The following IQCE variants were observed in gnomAD, a reference collection of about 807,000 sequenced individuals.
The protein encoded by IQCE is IQ motif containing E, also known as IQ domain-containing protein E.
Under a neutral mutation model 96.0 loss-of-function variants are expected in IQCE, and 115 were observed. The ratio of observed to expected loss-of-function variants is 1.20; its 90% confidence interval spans 1.03 to 1.40. IQCE has a LOEUF of 1.40. Among genes scored for constraint, IQCE ranks in the 40% most tolerant of loss-of-function variants. IQCE has a pLI of 0.00. For missense variants in IQCE, 1,041 were observed against 909.1 expected (o/e 1.15, Z -1.87); for synonymous variants, 412 against 371.2 (o/e 1.11, Z -1.26).
chr7:2,595,141 G>A (rs1783924012), intron 16 of IQCE, among the ~76,000 whole-genome samples, 165 bp downstream of exon 16: 1 of 152,206 alleles, frequency 6.6e-6, no homozygotes, highest in Non-Finnish European at 1.5e-5. Flanking sequence ...GTGTATCGAA[G>A]TCCGGGTTTT....
At chr7:2,565,984 A>T (rs1463979924) in intron 1 of IQCE, among the ~76,000 whole-genome samples, 1 of 152,198 alleles carries the variant, frequency 6.6e-6, no homozygotes, top group African/African-American at 2.4e-5. Context: ...CTGCTAGCAA[A>T]ATTGGCACTT....
At chr7:2,567,491 C>G (rs548499581) in intron 2 of IQCE, among the ~76,000 whole-genome samples, 3 of 152,308 alleles carry the variant, frequency 2.0e-5, no homozygotes, top group Non-Finnish European at 4.4e-5. Context: ...CCTGCTAATG[C>G]CGTCGGAAGG....
chr7:2,613,350 C>G lies in IQCE; in HGVS notation c.*3188C>G, dbSNP rs941276439. On this transcript the variant is annotated 3_prime_UTR_variant, in exon 22 of 22. Transcript: ENST00000402050. Reference sequence around the variant, plus strand: ...AGGCCTATTCCCGCTGCTCACAGACCTCAGCAGAGGCACCAGCTGGAGGGC... The same window carrying G: ...AGGCCTATTCCCGCTGCTCACAGACGTCAGCAGAGGCACCAGCTGGAGGGC... 6.6e-6 allele frequency: 1 copy of G among 152,506 alleles called. No homozygotes were observed. The highest frequency in any genetic ancestry group is 1.5e-5 in the Non-Finnish European group (1 of 68,266). The allele number at this position is 152,506 out of a possible 1,614,324, so 9.4% of individuals were successfully genotyped here.
intron 3 of IQCE, chr7:2,571,310 TG>T (rs1781737263): frequency 1.9e-6 from 1 of 539,810 alleles, no homozygotes; most frequent in African/African-American, 1.9e-5. Context: ...TGAGCCACCA[TG>T]CCTGGCCTCA....
chr7:2,602,919 TCCACGAGC>T (rs1784532877), intron 18 of IQCE, among the ~76,000 whole-genome samples: 2 of 152,196 alleles, frequency 1.3e-5, no homozygotes, highest in African/African-American at 4.8e-5. Context: ...ACGAGCGCCC[TCCACGAGC>T]AGACAGCTGG....
In IQCE at chr7:2,610,173, C is replaced by G; in HGVS notation, c.*11C>G. On this transcript the variant is annotated 3_prime_UTR_variant, in exon 22 of 22. Coordinates refer to ENST00000402050, the MANE Select transcript of IQCE (RefSeq NM_152558.5). ...AACTTTCCAGTTTAGGTCCCCGTCA[C>G]TGTCTCCACGCCGTGATGGCAGCGC... 1 of 1,475,818 alleles carries G rather than the reference C, an allele frequency of 6.8e-7. No individual in the cohort carries two copies. The highest frequency in any genetic ancestry group is 9.5e-7 in the Non-Finnish European group (1 of 1,053,150). 91.4% of individuals were successfully genotyped at this position (1,475,818 alleles called of 1,614,324 possible).
rs967699019 is a variant in IQCE, at chr7:2,612,148, T to C, written c.*1986T>C. On this transcript the variant is annotated 3_prime_UTR_variant, in exon 22 of 22. Coordinates refer to ENST00000402050, the MANE Select transcript of IQCE (RefSeq NM_152558.5). Reference sequence around the variant, plus strand: ...CTTGGGAACCAGTGGCCTAGAGCTTTGGGTTACAGGCATGGAGAGGGCTTT... The same window carrying C: ...CTTGGGAACCAGTGGCCTAGAGCTTCGGGTTACAGGCATGGAGAGGGCTTT... The C allele has an allele frequency of 6.6e-6, 1 of 152,200 alleles. No individual in the cohort carries two copies. The highest frequency in any genetic ancestry group is 1.5e-5 in the Non-Finnish European group (1 of 68,032). The allele number at this position is 152,200 out of a possible 1,614,324, so 9.4% of individuals were successfully genotyped here.
At chr7:2,591,241 A>G (rs1399640677) in intron 14 of IQCE, among the ~76,000 whole-genome samples, 1 of 150,562 alleles carries the variant, frequency 6.6e-6, no homozygotes, top group Non-Finnish European at 1.5e-5. Flanking sequence ...TAACAGTGAG[A>G]CTCTGTCTCA....
chr7:2,569,313 C>T (rs183279995), intron 3 of IQCE, among the ~76,000 whole-genome samples: 1 of 152,200 alleles, frequency 6.6e-6, no homozygotes, highest in East Asian at 1.9e-4. Context: ...CTTTTTCTTG[C>T]TTTCTCAAAG....
chr7:2,599,618 T>C (rs4719593), intron 17 of IQCE, among the ~76,000 whole-genome samples: 73,207 of 151,492 alleles, frequency 0.48, 17,987 homozygotes, highest in African/African-American at 0.56. Context: ...GGCCTCAGCC[T>C]CCCAAGTAGT....
Position 2,594,988 on chromosome 7 carries a change from A to G in IQCE, c.1440+12A>G. On this transcript the variant is annotated intron_variant, in intron 16 of 21. Transcript: ENST00000402050. The stretch of plus-strand genomic sequence containing the variant: ...AAGTTCCTCATAAGGTACAGTGACC[A>G]TTCAGTTGAGTCTCCCGTCAGGTGC... The G allele has an allele frequency of 1.3e-6, 2 of 1,579,352 alleles. No homozygotes were observed. Among genetic ancestry groups the G allele is most frequent in the South Asian group, 1.1e-5 (1 of 90,410 alleles).
chr7:2,606,874 A>G (rs1272000370), intron 20 of IQCE, among the ~76,000 whole-genome samples: 1 of 152,052 alleles, frequency 6.6e-6, no homozygotes, highest in South Asian at 2.1e-4. Flanking sequence ...TTATAAAACC[A>G]TGCCGGCCTG....
At chr7:2,572,155 G>A (rs774419970) in intron 4 of IQCE, 37 bp from the exon 5 acceptor site, 1 of 1,585,914 alleles carries the variant, frequency 6.3e-7, no homozygotes, top group South Asian at 1.1e-5. Context: ...GTGTGTGCTT[G>A]TATCTGTCAT....
At chr7:2,575,946 G>T (rs1244749787) in intron 6 of IQCE, among the ~76,000 whole-genome samples, 1 of 152,184 alleles carries the variant, frequency 6.6e-6, no homozygotes, top group African/African-American at 2.4e-5. Flanking sequence ...AGGAGGAATT[G>T]GGAGGAGTGA....
chr7:2,587,795 G>A (rs751367407), intron 12 of IQCE, 27 bp from the exon 13 acceptor site: 15 of 1,613,194 alleles, frequency 9.3e-6, no homozygotes, highest in South Asian at 2.2e-5. Context: ...CCAGGATGCC[G>A]TTTTGAAACC....
Position 2,590,077 on chromosome 7 carries a change from C to T in IQCE, c.1215C>T (p.Thr405=), listed in dbSNP as rs190962035. ...TGAGAGACCTGAAGGAAGAGCGGAC[C>T]GCGCTGCAGGAGCAGCTGCTGCAGA... ...GAVRDLKEER[T]ALQEQLLQRD... Residue 405 remains threonine, a synonymous_variant, in exon 14 of 22, where the codon ACC becomes ACT. Transcript: ENST00000402050. The T allele has an allele frequency of 3.8e-5, 61 of 1,612,904 alleles. No individual in the cohort carries two copies. Among genetic ancestry groups the T allele is most frequent in the Non-Finnish European group, 4.3e-5 (51 of 1,179,774 alleles).
intron 1 of IQCE, 126 bp downstream of exon 1, chr7:2,559,343 G>T: frequency 2.4e-6 from 1 of 420,008 alleles, no homozygotes; most frequent in South Asian, 1.2e-4. Flanking sequence ...CGCACGGCCG[G>T]GTGACAGCTG....
At chr7:2,593,266 T>G in intron 15 of IQCE, 140 bp downstream of exon 15, 2 of 1,348,476 alleles carry the variant, frequency 1.5e-6, no homozygotes, top group African/African-American at 1.5e-5. Context: ...TTTCATGGTT[T>G]TCTGTCACCC....
Position 2,610,294 on chromosome 7 carries a change from C to T in IQCE, c.*132C>T, listed in dbSNP as rs1236686704. The T allele has an allele frequency of 1.5e-6, 1 of 662,780 alleles. No homozygotes were observed. Among genetic ancestry groups the T allele is most frequent in the Non-Finnish European group, 2.7e-6 (1 of 366,034 alleles). The allele number at this position is 662,780 out of a possible 1,614,324, so 41.1% of individuals were successfully genotyped here. ...TAACACCTCAGCATCTGCGTCGTGTCTCTTTGTGCTTTTGTTTGTGGAAGG... is the reference window on the plus strand; with the variant it reads ...TAACACCTCAGCATCTGCGTCGTGTTTCTTTGTGCTTTTGTTTGTGGAAGG... On this transcript the variant is annotated 3_prime_UTR_variant, in exon 22 of 22. Transcript: ENST00000402050.
Sources: gnomAD v4.1 joint callset for allele counts (sites outside exome capture counted in the v4.1 genomes callset) on GRCh38, gnomAD v4.1.1 for gene constraint, MANE v1.5 for transcripts, NCBI Gene and HGNC (gene_info 2026-07-23, HGNC 2026-07-21) for gene names.